RSU1: variants seen among roughly 807,000 people sequenced by gnomAD.
RSU1 encodes Ras suppressor protein 1, also known as rsu-1.
In RSU1, 26 loss-of-function variants were observed where a neutral mutation model predicts 31.1. That is an observed-to-expected ratio of 0.84 (90% CI 0.61 to 1.16). The LOEUF (loss-of-function observed/expected upper bound fraction) is 1.16. Ranked by LOEUF, RSU1 falls within the 50% of genes most tolerant of loss-of-function variation. The pLI, the probability that RSU1 is intolerant of heterozygous loss-of-function variation, is 0.00. For synonymous variants in RSU1, 164 were observed against 136.3 expected (o/e 1.20, Z -1.41); for missense variants, 320 against 339.1 (o/e 0.94, Z 0.44).
chr10:16,598,733 T>G (rs997961171), intron 8 of RSU1, among the ~76,000 whole-genome samples: 1 of 152,202 alleles, frequency 6.6e-6, no homozygotes, highest in African/African-American at 2.4e-5. Context: ...CTAGCAACAC[T>G]GGTTTCAGAC....
rs78436971 is a variant in RSU1 at position 16,730,556 on chromosome 10, A to G, written c.598+21983T>C. ...CCCCACATTCAGGAGAGAGCCCAGT[A>G]AATATCAGCTTAGACAGTTCTGACA... is the stretch of plus-strand genomic sequence containing the variant. On this transcript the variant is annotated intron_variant, in intron 7 of 8. Transcript: ENST00000345264. Among the ~76,000 whole-genome samples, 622 of 152,302 alleles carry G rather than the reference A, an allele frequency of 4.1e-3. 5 individuals carry two copies. In the East Asian group the frequency reaches 0.047, roughly 12 times the overall value.
At position 16,590,795 on chromosome 10, in the gene RSU1, T is replaced by C. The variant is rs1588662081; in HGVS notation, c.*2599A>G. 6.6e-6 allele frequency: 1 copy of C among 152,364 alleles called. No homozygotes were observed. The highest frequency in any genetic ancestry group is 2.4e-5 in the African/African-American group (1 of 41,590). 9.4% of individuals were successfully genotyped at this position (152,364 alleles called of 1,614,324 possible). On this transcript the variant is annotated 3_prime_UTR_variant, in exon 9 of 9. Transcript: ENST00000345264. Reference sequence around the variant, plus strand: ...TCTATTTAATTTTTATGCACACGTATTACAAACAAGCTTCCTTTTGACACA... The same window carrying C: ...TCTATTTAATTTTTATGCACACGTACTACAAACAAGCTTCCTTTTGACACA...
intron 4 of RSU1, among the ~76,000 whole-genome samples, chr10:16,758,345 C>T (rs186565287): frequency 2.6e-5 from 4 of 152,270 alleles, no homozygotes; most frequent in Admixed American, 1.3e-4. Flanking sequence ...CTGGCTGTCC[C>T]CCCTCCCTCC....
At chr10:16,655,197 T>C (rs547122145) in intron 8 of RSU1, among the ~76,000 whole-genome samples, 2 of 152,356 alleles carry the variant, frequency 1.3e-5, no homozygotes, top group East Asian at 1.9e-4. Context: ...TGACAATCTT[T>C]ATAATTCTCT....
At chr10:16,815,479 CCTT>C (rs1838509759) in intron 2 of RSU1, among the ~76,000 whole-genome samples, 2 of 152,174 alleles carry the variant, frequency 1.3e-5, no homozygotes, top group South Asian at 2.1e-4. Context: ...TGAACATCTC[CCTT>C]CTTCTCTCTT....
At chr10:16,651,479 T>C (rs556196745) in intron 8 of RSU1, among the ~76,000 whole-genome samples, 1 of 152,374 alleles carries the variant, frequency 6.6e-6, no homozygotes, top group East Asian at 1.9e-4. Context: ...GCTATTTTTA[T>C]TTTCCACTGA....
chr10:16,775,008 T>C lies in RSU1; in HGVS notation c.160+7026A>G, dbSNP rs558204725. On this transcript the variant is annotated intron_variant, in intron 3 of 8. Transcript: ENST00000345264. Reference sequence around the variant, plus strand: ...ACAGTGAGCTAGGATTGTGCCACTGTACTCCAACCTGGGTGATAAAAACAC... The same window carrying C: ...ACAGTGAGCTAGGATTGTGCCACTGCACTCCAACCTGGGTGATAAAAACAC... 2.5e-4 allele frequency among the ~76,000 whole-genome samples: 38 copies of C among 151,826 alleles called. 1 individual carries two copies. The East Asian group carries it at 6.1e-3, about 24-fold the overall frequency.
At chr10:16,618,848 G>A (rs551288152) in intron 8 of RSU1, among the ~76,000 whole-genome samples, 1 of 152,220 alleles carries the variant, frequency 6.6e-6, no homozygotes, top group South Asian at 2.1e-4. Context: ...ACAAGGAAAG[G>A]GAGAACATTA....
chr10:16,778,689 G>C (rs1837590981), intron 3 of RSU1, among the ~76,000 whole-genome samples: 2 of 152,164 alleles, frequency 1.3e-5, no homozygotes, highest in Non-Finnish European at 2.9e-5. Context: ...GGCTGGTAGA[G>C]AGGAGGAGGG....
rs746649903 is a variant in RSU1 at position 16,782,114 on chromosome 10, G to C, written c.110-30C>G. On this transcript the variant is annotated intron_variant, in intron 2 of 8. Transcript: ENST00000345264. ...AAAGAAAAGAAAAAAAAAAAGGTCA[G>C]TCAGTAAATGTATCACTGTATCCGG... 48 of 1,549,966 alleles carry C rather than the reference G, an allele frequency of 3.1e-5. 1 individual carries two copies. In the South Asian group the frequency reaches 5.0e-4, roughly 16 times the overall value.
At chr10:16,774,070 G>C (rs569060903) in intron 3 of RSU1, among the ~76,000 whole-genome samples, 6 of 146,852 alleles carry the variant, frequency 4.1e-5, no homozygotes, top group South Asian at 4.4e-4. Context: ...TGAACAGAAA[G>C]AAAAATGGAA....
intron 8 of RSU1, among the ~76,000 whole-genome samples, chr10:16,635,438 A>C (rs1834329915): frequency 6.6e-6 from 1 of 152,212 alleles, no homozygotes; most frequent in Admixed American, 6.5e-5. Context: ...GAGAAAACCG[A>C]AACACTCCAA....
chr10:16,686,834 T>C (rs1835448230), intron 8 of RSU1, among the ~76,000 whole-genome samples: 1 of 149,152 alleles, frequency 6.7e-6, no homozygotes, highest in South Asian at 2.2e-4. Flanking sequence ...ATCTCTCTTC[T>C]CCCTTTGATG....
At chr10:16,786,991 C>T (rs936897890) in intron 2 of RSU1, among the ~76,000 whole-genome samples, 1 of 152,178 alleles carries the variant, frequency 6.6e-6, no homozygotes, top group South Asian at 2.1e-4. Flanking sequence ...AGGTGCGGAT[C>T]GGATCGATGC....
At chr10:16,773,516 G>A (rs890109433) in intron 3 of RSU1, among the ~76,000 whole-genome samples, 3 of 152,300 alleles carry the variant, frequency 2.0e-5, no homozygotes, top group South Asian at 2.1e-4. Flanking sequence ...CTAACGGGAC[G>A]TCAAGTGCAC....
intron 2 of RSU1, among the ~76,000 whole-genome samples, chr10:16,806,018 C>T (rs1447438694): frequency 2.6e-5 from 4 of 152,236 alleles, no homozygotes; most frequent in African/African-American, 9.6e-5. Context: ...TCCCAACCTA[C>T]TGATAATGTT....
chr10:16,788,420 T>C (rs1397499013), intron 2 of RSU1, among the ~76,000 whole-genome samples: 1 of 152,150 alleles, frequency 6.6e-6, no homozygotes, highest in Admixed American at 6.5e-5. Flanking sequence ...GGAGCCCTCA[T>C]GAATGAGGTT....
rs74125813 is a variant in RSU1 at position 16,661,688 on chromosome 10, G to A, written c.731+33335C>T. Among the ~76,000 whole-genome samples the A allele has an allele frequency of 2.1e-3, 322 of 152,290 alleles. 1 individual carries two copies. The highest frequency in any genetic ancestry group is 7.2e-3 in the African/African-American group (301 of 41,562). The stretch of plus-strand genomic sequence containing the variant: ...TTTTTTCAGCTCTGACTTTCTCTGA[G>A]GGGGTAGCCCCTTTGAATGTGCTAG... On this transcript the variant is annotated intron_variant, in intron 8 of 8. Transcript: ENST00000345264.
intron 2 of RSU1, among the ~76,000 whole-genome samples, chr10:16,809,475 G>T (rs960961611): frequency 3.3e-5 from 5 of 152,182 alleles, no homozygotes; most frequent in Non-Finnish European, 7.3e-5. Flanking sequence ...GCTGTGTCCA[G>T]CCTCCCAGGG....
Sources: allele counts gnomAD v4.1 joint callset (sites outside exome capture counted in the v4.1 genomes callset), GRCh38; gene constraint gnomAD v4.1.1; transcripts MANE v1.5; gene names NCBI Gene and HGNC (gene_info 2026-07-23, HGNC 2026-07-21).